Variants in MACROD2 observed in about 807,000 individuals in gnomAD.
The protein encoded by MACROD2 is ADP-ribose glycohydrolase MACROD2.
Under a neutral mutation model 70.4 loss-of-function variants are expected in MACROD2, and 36 were observed. The ratio of observed to expected loss-of-function variants is 0.51; its 90% CI spans 0.39 to 0.68. The LOEUF is 0.68. Ranked by LOEUF, MACROD2 falls within the 30% of genes least tolerant of loss-of-function variation. The pLI, the probability that MACROD2 is intolerant of heterozygous loss-of-function variation, is 0.00. For synonymous variants in MACROD2, 172 were observed against 178.8 expected, an observed-to-expected ratio of 0.96 and a Z score of 0.30; for missense variants, 496 against 538.4, an observed-to-expected ratio of 0.92 and a Z score of 0.78.
At chr20:14,901,793 G>T (rs1238459800) in intron 5 of MACROD2, among the ~76,000 whole-genome samples, 1 of 152,146 alleles carries the variant, frequency 6.6e-6, no homozygotes, top group Non-Finnish European at 1.5e-5. Context: ...TCATTTGCCA[G>T]ACAGAGGAAT....
intron 4 of MACROD2, among the ~76,000 whole-genome samples, chr20:14,613,209 G>T (rs1857553741): frequency 6.6e-6 from 1 of 152,104 alleles, no homozygotes. Flanking sequence ...TCTATCAGTT[G>T]AAGTATGTTT....
chr20:15,439,919 T>C (rs1372666445), intron 7 of MACROD2, among the ~76,000 whole-genome samples: 1 of 152,156 alleles, frequency 6.6e-6, no homozygotes, highest in East Asian at 1.9e-4. Context: ...GTTAAAATTT[T>C]GCACTGGCCT....
chr20:15,954,848 C>A (rs921950663), intron 12 of MACROD2, among the ~76,000 whole-genome samples: 18 of 152,142 alleles, frequency 1.2e-4, no homozygotes, highest in African/African-American at 4.3e-4. Context: ...CTAAGAACTG[C>A]ACATGTTTTC....
chr20:14,584,412 G>A (rs1047244441), intron 4 of MACROD2, among the ~76,000 whole-genome samples: 3 of 152,094 alleles, frequency 2.0e-5, no homozygotes, highest in Non-Finnish European at 2.9e-5. Context: ...AATTTGTCAC[G>A]ATTCTGGAGG....
In MACROD2 at chr20:15,762,885, A is replaced by G. The variant is rs117802315; in HGVS notation, c.646-99860A>G. Reference sequence around the variant, plus strand: ...TATTTGAAAGAATATGTGCCCAATGAGTGAGTGTACGGGCACATGCACAAC... The same window carrying G: ...TATTTGAAAGAATATGTGCCCAATGGGTGAGTGTACGGGCACATGCACAAC... On this transcript the variant is annotated intron_variant, in intron 8 of 17. Transcript: ENST00000684519. Among the ~76,000 whole-genome samples, 240 of 152,332 alleles carry G rather than the reference A, an allele frequency of 1.6e-3. 2 individuals are homozygous for G. In the East Asian group the frequency reaches 0.034, roughly 22 times the overall value.
chr20:15,459,249 C>T (rs927405163), intron 7 of MACROD2, among the ~76,000 whole-genome samples: 1 of 152,112 alleles, frequency 6.6e-6, no homozygotes, highest in Admixed American at 6.5e-5. Context: ...TCATTACTAT[C>T]TATGCATTAT....
chr20:15,377,591 G>T (rs1315694061), intron 6 of MACROD2, among the ~76,000 whole-genome samples: 1 of 152,166 alleles, frequency 6.6e-6, no homozygotes, highest in African/African-American at 2.4e-5. Context: ...CACAAGAAAT[G>T]CCCAAAGTCT....
intron 6 of MACROD2, among the ~76,000 whole-genome samples, chr20:15,318,976 G>GA (rs1158930185): frequency 1.3e-5 from 2 of 151,964 alleles, no homozygotes; most frequent in Non-Finnish European, 2.9e-5. Context: ...ATGTAGGCAA[G>GA]AAAAAATAAG....
At chr20:15,168,135 G>T (rs190605557) in intron 5 of MACROD2, among the ~76,000 whole-genome samples, 242 of 152,244 alleles carry the variant, frequency 1.6e-3, no homozygotes, top group African/African-American at 5.5e-3. Context: ...TACTAGCAAA[G>T]CTCCTTGCTC....
chr20:15,113,336 T>C (rs1268448795), intron 5 of MACROD2, among the ~76,000 whole-genome samples: 2 of 152,198 alleles, frequency 1.3e-5, no homozygotes, highest in Admixed American at 6.5e-5. Flanking sequence ...CTGATGCTTT[T>C]ATTGTGTATT....
intron 5 of MACROD2, among the ~76,000 whole-genome samples, chr20:14,800,570 G>A (rs1356563563): frequency 6.6e-6 from 1 of 152,032 alleles, no homozygotes; most frequent in African/African-American, 2.4e-5. Context: ...GTCAGTGGAA[G>A]GTCTTTTCTT....
chr20:14,787,984 G>A (rs2072395894), intron 5 of MACROD2, among the ~76,000 whole-genome samples: 1 of 151,936 alleles, frequency 6.6e-6, no homozygotes, highest in Admixed American at 6.6e-5. Flanking sequence ...TACCTAGAGG[G>A]CTTTCTATTA....
intron 4 of MACROD2, among the ~76,000 whole-genome samples, chr20:14,662,134 T>G (rs1346380960): frequency 1.3e-5 from 2 of 151,912 alleles, no homozygotes; most frequent in African/African-American, 4.8e-5. Context: ...AAAAAGATGA[T>G]AGAACTGTAC....
chr20:15,453,785 G>A (rs912772262), intron 7 of MACROD2, among the ~76,000 whole-genome samples: 9 of 152,288 alleles, frequency 5.9e-5, no homozygotes, highest in East Asian at 1.9e-4. Context: ...CACCATGCAT[G>A]TTCACCAAAG....
intron 6 of MACROD2, among the ~76,000 whole-genome samples, chr20:15,266,928 G>A (rs969218451): frequency 6.6e-6 from 1 of 152,194 alleles, no homozygotes; most frequent in Non-Finnish European, 1.5e-5. Flanking sequence ...GGGCAGGGGC[G>A]CGGGGGGCAT....
At chr20:14,313,468 G>C (rs979365341) in intron 3 of MACROD2, among the ~76,000 whole-genome samples, 1 of 148,688 alleles carries the variant, frequency 6.7e-6, no homozygotes, top group Non-Finnish European at 1.5e-5. Flanking sequence ...TGAAGGTGAA[G>C]TGTTAATTGG....
chr20:15,613,319 T>C lies in MACROD2; in HGVS notation c.645+113472T>C, dbSNP rs570355612. Among the ~76,000 whole-genome samples the C allele has an allele frequency of 7.1e-4, 108 of 152,352 alleles. 2 individuals carry two copies. The South Asian group carries it at 0.021, about 30-fold the overall frequency. ...TGTTCTCTCCTGATTGGGGTCTTTATTGGCATGTGAGCATGGCAGCATTAT... is the reference window on the plus strand; with the variant it reads ...TGTTCTCTCCTGATTGGGGTCTTTACTGGCATGTGAGCATGGCAGCATTAT... On this transcript the variant is annotated intron_variant, in intron 8 of 17. Transcript: ENST00000684519.
chr20:15,691,816 C>T (rs1025476236), intron 8 of MACROD2, among the ~76,000 whole-genome samples: 1 of 152,158 alleles, frequency 6.6e-6, no homozygotes, highest in Non-Finnish European at 1.5e-5. Context: ...TTTCTGACCG[C>T]TTTATCCTAT....
rs577380961 is a variant in MACROD2 at position 14,586,478 on chromosome 20, TA to T, written c.301+92976del. Among the ~76,000 whole-genome samples, 183 of 152,170 alleles carry T rather than the reference TA, an allele frequency of 1.2e-3. 2 individuals are homozygous for T. Among genetic ancestry groups the T allele is most frequent in the Non-Finnish European group, 2.3e-3 (155 of 67,926 alleles). On this transcript the variant is annotated intron_variant, in intron 4 of 17. Coordinates refer to ENST00000684519, the MANE Select transcript of MACROD2 (RefSeq NM_001351661.2). ...GAATGAATACTTTCTGCTATAACAATAAAAAAGTCCAGTACTAGTTTCAATA... is the reference window on the plus strand; with the variant it reads ...GAATGAATACTTTCTGCTATAACAATAAAAAGTCCAGTACTAGTTTCAATA...
Sources: allele counts gnomAD v4.1 joint callset (sites outside exome capture counted in the v4.1 genomes callset), GRCh38; gene constraint gnomAD v4.1.1; transcripts MANE v1.5; gene names NCBI Gene and HGNC (gene_info 2026-07-23, HGNC 2026-07-21).